The following FUT9 variants were observed in gnomAD, a reference collection of about 807,000 sequenced individuals.
FUT9 encodes the protein 4-galactosyl-N-acetylglucosaminide 3-alpha-L-fucosyltransferase 9.
FUT9 carries 15 observed loss-of-function variants against 29.7 expected under a neutral mutation model. That is an observed-to-expected ratio of 0.51 (90% CI 0.34 to 0.78). The LOEUF (loss-of-function observed/expected upper bound fraction) is 0.78, where lower values mean the gene tolerates loss of function less well. Ranked by LOEUF, FUT9 falls within the 30% of genes least tolerant of loss-of-function variation. The probability of loss-of-function intolerance (pLI) is 0.01; values close to 1 mark genes in which losing one functional copy is unlikely to be tolerated. For missense variants in FUT9, 319 were observed against 425.4 expected (o/e 0.75, Z 2.20); for synonymous variants, 169 against 153.7 (o/e 1.10, Z -0.74).
At chr6:96,065,292 T>A (rs1207768963) in intron 1 of FUT9, among the ~76,000 whole-genome samples, 1 of 152,194 alleles carries the variant, frequency 6.6e-6, no homozygotes, top group Non-Finnish European at 1.5e-5. Context: ...TTGTTCAGTA[T>A]GAATGTTTTG....
intron 2 of FUT9, among the ~76,000 whole-genome samples, chr6:96,176,674 A>G (rs1773210537): frequency 6.6e-6 from 1 of 152,114 alleles, no homozygotes; most frequent in Admixed American, 6.6e-5. Flanking sequence ...CAAGAGAATG[A>G]GTAGAGGCAT....
chr6:96,192,344 T>C (rs1451882645), intron 2 of FUT9, among the ~76,000 whole-genome samples: 1 of 152,148 alleles, frequency 6.6e-6, no homozygotes, highest in Non-Finnish European at 1.5e-5. Context: ...TGATAGCAAC[T>C]TCAGCAAAGT....
intron 2 of FUT9, among the ~76,000 whole-genome samples, chr6:96,160,706 T>C (rs1772881872): frequency 1.3e-5 from 2 of 152,154 alleles, no homozygotes; most frequent in South Asian, 2.1e-4. Context: ...CTAGCTCTTA[T>C]CTATGGAAAT....
intron 1 of FUT9, among the ~76,000 whole-genome samples, chr6:96,078,408 CTTTTTTT>C (rs71012536): frequency 6.3e-4 from 28 of 44,190 alleles, no homozygotes; most frequent in African/African-American, 2.5e-3. Flanking sequence ...TATTAGTCTT[CTTTTTTT>C]TTTTTTTTTT....
At chr6:96,137,787 G>A (rs1772385881) in intron 2 of FUT9, among the ~76,000 whole-genome samples, 1 of 152,006 alleles carries the variant, frequency 6.6e-6, no homozygotes, top group Admixed American at 6.6e-5. Context: ...TAGTTTTGAT[G>A]AAAGAACCAT....
rs1424559975 is a variant in FUT9, at chr6:96,214,962, C to T, written c.*10727C>T. 6.0e-6 allele frequency: 1 copy of T among 166,976 alleles called. No individual in the cohort carries two copies. The highest frequency in any genetic ancestry group is 2.4e-5 in the African/African-American group (1 of 41,428). The allele number at this position is 166,976 out of a possible 1,614,324, so 10.3% of individuals were successfully genotyped here. ...ATCATGCAGCTGAGTCCTGCTGCAT[C>T]CTGGGAGCAAAGCATTAATTCAAAT... On this transcript the variant is annotated 3_prime_UTR_variant, in exon 3 of 3. Coordinates refer to ENST00000302103, the MANE Select transcript of FUT9 (RefSeq NM_006581.4).
At position 96,164,565 on chromosome 6, in the gene FUT9, C is replaced by T. The variant is rs534381036; in HGVS notation, c.-8-38583C>T. ...GAGCCACATTATTCCAGGTAGCAGG[C>T]TTCAGAAAGAATAGACTGTAAAAGC... On this transcript the variant is annotated intron_variant, in intron 2 of 2. Coordinates refer to ENST00000302103, the MANE Select transcript of FUT9 (RefSeq NM_006581.4). 1.1e-3 allele frequency among the ~76,000 whole-genome samples: 170 copies of T among 152,222 alleles called. 1 individual carries two copies. Among genetic ancestry groups the T allele is most frequent in the African/African-American group, 3.9e-3 (161 of 41,530 alleles).
intron 2 of FUT9, among the ~76,000 whole-genome samples, chr6:96,119,976 A>G (rs1771990414): frequency 6.6e-6 from 1 of 152,194 alleles, no homozygotes; most frequent in African/African-American, 2.4e-5. Flanking sequence ...AAATAATAGT[A>G]TAGTAGGTAT....
At chr6:96,198,927 T>C (rs1474101792) in intron 2 of FUT9, among the ~76,000 whole-genome samples, 1 of 151,902 alleles carries the variant, frequency 6.6e-6, no homozygotes, top group Non-Finnish European at 1.5e-5. Context: ...TTTTGAGAAG[T>C]GTCTGTTCGT....
At chr6:96,143,260 A>T (rs1772499463) in intron 2 of FUT9, among the ~76,000 whole-genome samples, 1 of 152,160 alleles carries the variant, frequency 6.6e-6, no homozygotes, top group African/African-American at 2.4e-5. Flanking sequence ...GATGGCCCTC[A>T]CCAGATACCT....
intron 2 of FUT9, among the ~76,000 whole-genome samples, chr6:96,202,218 T>A (rs1773738241): frequency 6.6e-6 from 1 of 150,866 alleles, no homozygotes; most frequent in African/African-American, 2.4e-5. Context: ...CTTTTTTCTT[T>A]AAAAAAAAAG....
intron 1 of FUT9, among the ~76,000 whole-genome samples, chr6:96,078,695 C>T (rs1771185066): frequency 6.6e-6 from 1 of 151,990 alleles, no homozygotes; most frequent in Non-Finnish European, 1.5e-5. Context: ...GCTGGGATTA[C>T]AGGCCTGAGC....
chr6:96,139,958 A>G (rs1356311371), intron 2 of FUT9, among the ~76,000 whole-genome samples: 1 of 152,208 alleles, frequency 6.6e-6, no homozygotes, highest in Non-Finnish European at 1.5e-5. Flanking sequence ...GCAAATTTAT[A>G]CAGCTAGCTT....
At chr6:96,041,107 C>T (rs1362205728) in intron 1 of FUT9, among the ~76,000 whole-genome samples, 1 of 151,584 alleles carries the variant, frequency 6.6e-6, no homozygotes, top group African/African-American at 2.4e-5. Flanking sequence ...GTTTTTCTCT[C>T]CTGTGACCCA....
chr6:96,016,489 A>G (rs1220000147), intron 1 of FUT9, among the ~76,000 whole-genome samples: 3 of 152,062 alleles, frequency 2.0e-5, no homozygotes, highest in Admixed American at 2.0e-4. Flanking sequence ...GCAGCAGTAG[A>G]TGGCCCCGAC....
At chr6:96,171,056 T>C (rs1773104125) in intron 2 of FUT9, among the ~76,000 whole-genome samples, 1 of 152,100 alleles carries the variant, frequency 6.6e-6, no homozygotes, top group African/African-American at 2.4e-5. Context: ...TGGAGGAGCA[T>C]ACAATCCTAA....
chr6:96,084,040 T>G (rs1330216595), intron 1 of FUT9, among the ~76,000 whole-genome samples: 1 of 152,056 alleles, frequency 6.6e-6, no homozygotes, highest in African/African-American at 2.4e-5. Flanking sequence ...AGAATGTACT[T>G]GTCAATTGAG....
chr6:96,205,313 AAC>A lies in FUT9; in HGVS notation c.*1084_*1085del, dbSNP rs1012948173. On this transcript the variant is annotated 3_prime_UTR_variant, in exon 3 of 3. Coordinates refer to ENST00000302103, the MANE Select transcript of FUT9 (RefSeq NM_006581.4). ...TATAATAAAGTGGGGATATATAGAAAACACACAGTGTTAGCACACAGTAAGAT... is the reference window on the plus strand; with the variant it reads ...TATAATAAAGTGGGGATATATAGAAAACACAGTGTTAGCACACAGTAAGAT... 1 of 167,182 alleles carries A rather than the reference AAC, an allele frequency of 6.0e-6. No individual in the cohort carries two copies. Among genetic ancestry groups the A allele is most frequent in the African/African-American group, 2.4e-5 (1 of 41,574 alleles). The allele number at this position is 167,182 out of a possible 1,614,324, so 10.4% of individuals were successfully genotyped here.
rs1398209697 is a variant in FUT9, at chr6:96,214,254, T to G, written c.*10019T>G. 1.2e-5 allele frequency: 2 copies of G among 166,940 alleles called. No homozygotes were observed. The highest frequency in any genetic ancestry group is 3.9e-4 in the East Asian group (2 of 5,190). The allele number at this position is 166,940 out of a possible 1,614,324, so 10.3% of individuals were successfully genotyped here. A position where few individuals can be genotyped will look rare whatever the true frequency, so the allele number is the denominator to read the frequency against. On this transcript the variant is annotated 3_prime_UTR_variant, in exon 3 of 3. Transcript: ENST00000302103. ...AATATCATCTTAACCAGTTTCATTC[T>G]ATGAACATAATATTCTGGCAGCTTT...
Sources: gnomAD v4.1 joint callset for allele counts (sites outside exome capture counted in the v4.1 genomes callset) on GRCh38, gnomAD v4.1.1 for gene constraint, MANE v1.5 for transcripts, NCBI Gene and HGNC (gene_info 2026-07-23, HGNC 2026-07-21) for gene names.